ZNF468: variants seen among roughly 807,000 people sequenced by gnomAD.
The protein encoded by ZNF468 is zinc finger protein 468, also known as zinc finger protein ZNF468.
In ZNF468, 8 loss-of-function variants were observed where a neutral mutation model predicts 7.2. The observed-to-expected ratio is 1.11, with a 90% confidence interval of 0.65 to 2.01. The LOEUF (loss-of-function observed/expected upper bound fraction) is 2.01, where lower values mean the gene tolerates loss of function less well. Among genes scored for constraint, ZNF468 ranks in the 30% most tolerant of loss-of-function variants. ZNF468 has a pLI of 0.00. For missense variants in ZNF468, 608 were observed against 626.5 expected (o/e 0.97, Z 0.31); for synonymous variants, 218 against 214.4 (o/e 1.02, Z -0.15).
intron 1 of ZNF468, among the ~76,000 whole-genome samples, chr19:52,854,659 T>A (rs1270653221): frequency 2.6e-5 from 4 of 152,094 alleles, no homozygotes; most frequent in Non-Finnish European, 5.9e-5. Context: ...GAAGCTGATG[T>A]GGAAGCATCA....
rs1568676252 is a variant in ZNF468, at chr19:52,842,843, AC to A, written c.143-693del. Among the ~76,000 whole-genome samples the A allele has an allele frequency of 1.0e-4, 11 of 107,456 alleles. 1 individual carries two copies. The highest frequency in any genetic ancestry group is 6.9e-4 in the South Asian group (2 of 2,900). 70.5% of individuals were successfully genotyped at this position (107,456 alleles called of 152,430 possible). A position where few individuals can be genotyped will look rare whatever the true frequency, so the allele number is the denominator to read the frequency against. ...AAAAAAAAAAAAAAAAAAAAAAAAG[AC>A]ATGGCATGGTGGCTTGTGACTCTAA... On this transcript the variant is annotated intron_variant, in intron 3 of 3. Coordinates refer to ENST00000595646, the MANE Select transcript of ZNF468 (RefSeq NM_001008801.2).
intron 3 of ZNF468, among the ~76,000 whole-genome samples, chr19:52,844,227 T>C (rs540039845): frequency 5.3e-5 from 8 of 152,266 alleles, no homozygotes; most frequent in South Asian, 2.1e-4. Context: ...AATTTAGTCA[T>C]GGGTGTTGAC....
At position 52,840,170 on chromosome 19, in the gene ZNF468, GTGAA is replaced by G. The variant is rs2063282673; in HGVS notation, c.*551_*554del. 2 of 397,322 alleles carry G rather than the reference GTGAA, an allele frequency of 5.0e-6. No individual in the cohort carries two copies. The highest frequency in any genetic ancestry group is 4.8e-6 in the Non-Finnish European group (1 of 207,454). The allele number at this position is 397,322 out of a possible 1,614,324, so 24.6% of individuals were successfully genotyped here. ...CTCCTATGTATTTGAAGCTGGATTTGTGAATGAAAACTTTGTCACATTGTTCACG... is the reference window on the plus strand; with the variant it reads ...CTCCTATGTATTTGAAGCTGGATTTGTGAAAACTTTGTCACATTGTTCACG... On this transcript the variant is annotated 3_prime_UTR_variant, in exon 4 of 4. Coordinates refer to ENST00000595646, the MANE Select transcript of ZNF468 (RefSeq NM_001008801.2).
intron 1 of ZNF468, among the ~76,000 whole-genome samples, chr19:52,855,687 CT>C (rs66517452): frequency 0.28 from 32,981 of 119,056 alleles, 3,123 homozygotes; most frequent in African/African-American, 0.31. Flanking sequence ...CATTCTTCTG[CT>C]TTTTTTTTTT....
intron 2 of ZNF468, among the ~76,000 whole-genome samples, chr19:52,850,812 T>C (rs1283838964): frequency 6.6e-6 from 1 of 151,644 alleles, no homozygotes; most frequent in Non-Finnish European, 1.5e-5. Flanking sequence ...GGCAGGAGAA[T>C]GGCGTGAACC....
intron 1 of ZNF468, among the ~76,000 whole-genome samples, chr19:52,855,512 C>G (rs1276917957): frequency 6.6e-6 from 1 of 152,230 alleles, no homozygotes; most frequent in Non-Finnish European, 1.5e-5. Context: ...GGCTGTGGAG[C>G]CAAAGTGAAG....
chr19:52,856,954 G>C (rs2063445601), intron 1 of ZNF468, among the ~76,000 whole-genome samples: 1 of 152,118 alleles, frequency 6.6e-6, no homozygotes, highest in Non-Finnish European at 1.5e-5. Flanking sequence ...TAAGACGCCT[G>C]CATCTCGGAG....
At chr19:52,855,849 C>T (rs1255842358) in intron 1 of ZNF468, among the ~76,000 whole-genome samples, 1 of 152,256 alleles carries the variant, frequency 6.6e-6, no homozygotes, top group Non-Finnish European at 1.5e-5. Context: ...CTGGTCTAGC[C>T]CTTCGTCGCA....
chr19:52,857,331 C>T (rs962640026), intron 1 of ZNF468, among the ~76,000 whole-genome samples: 9 of 152,222 alleles, frequency 5.9e-5, no homozygotes, highest in Admixed American at 3.9e-4. Context: ...AGCAGGAAAA[C>T]TACGCGATAG....
chr19:52,848,741 G>T (rs1383193883), intron 3 of ZNF468, among the ~76,000 whole-genome samples: 1 of 151,970 alleles, frequency 6.6e-6, no homozygotes, highest in Non-Finnish European at 1.5e-5. Context: ...AGTAGAGAAG[G>T]GGTTTCTCCA....
At position 52,839,944 on chromosome 19, in the gene ZNF468, T is replaced by C. The variant is rs2063280390; in HGVS notation, c.*781A>G. The C allele has an allele frequency of 1.8e-6, 2 of 1,125,072 alleles. No individual in the cohort carries two copies. The highest frequency in any genetic ancestry group is 1.6e-5 in the African/African-American group (1 of 63,460). 69.7% of individuals were successfully genotyped at this position (1,125,072 alleles called of 1,614,324 possible). A position where few individuals can be genotyped will look rare whatever the true frequency, so the allele number is the denominator to read the frequency against. On this transcript the variant is annotated 3_prime_UTR_variant, in exon 4 of 4. Coordinates refer to ENST00000595646, the MANE Select transcript of ZNF468 (RefSeq NM_001008801.2). ...ATTACTGAAAACTTTGTGACAATCA[T>C]TACATTAGTCAAGTTTCCCTATACC...
intron 1 of ZNF468, among the ~76,000 whole-genome samples, chr19:52,857,116 A>C (rs1029438166): frequency 6.6e-6 from 1 of 150,624 alleles, no homozygotes; most frequent in Non-Finnish European, 1.5e-5. Context: ...AGGAGGAGGG[A>C]GGTGGGGAGC....
At chr19:52,849,469 A>G (rs1195540905) in intron 2 of ZNF468, 1 of 753,622 alleles carries the variant, frequency 1.3e-6, no homozygotes, top group Admixed American at 3.7e-5. Context: ...TAAAAAATCA[A>G]TGTAGGGTTC....
intron 3 of ZNF468, among the ~76,000 whole-genome samples, chr19:52,843,795 G>A (rs1216835169): frequency 2.0e-5 from 3 of 152,112 alleles, no homozygotes; most frequent in Non-Finnish European, 4.4e-5. Context: ...TGATATATGA[G>A]GTCAAGAAAA....
At position 52,849,459 on chromosome 19, in the gene ZNF468, T is replaced by TA. The variant is rs1282843814; in HGVS notation, c.16-247dup. ...GTGAAAAATAACAGAAATAAACAAA[T>TA]AAAAAATCAATGTAGGGTTCCTGTT... On this transcript the variant is annotated intron_variant, in intron 2 of 3. Coordinates refer to ENST00000595646, the MANE Select transcript of ZNF468 (RefSeq NM_001008801.2). 3.6e-6 allele frequency: 3 copies of TA among 831,332 alleles called. No individual in the cohort carries two copies. In the African/African-American group the frequency reaches 5.3e-5, roughly 15 times the overall value. 51.5% of individuals were successfully genotyped at this position (831,332 alleles called of 1,614,324 possible). A position where few individuals can be genotyped will look rare whatever the true frequency, so the allele number is the denominator to read the frequency against.
At chr19:52,842,553 T>C (rs1428319050) in intron 3 of ZNF468, among the ~76,000 whole-genome samples, 2 of 148,538 alleles carry the variant, frequency 1.3e-5, no homozygotes, top group African/African-American at 5.1e-5. Context: ...CCACACAATA[T>C]ACTATATTGG....
At chr19:52,850,805 A>G (rs112123012) in intron 2 of ZNF468, among the ~76,000 whole-genome samples, 3,334 of 151,876 alleles carry the variant, frequency 0.022, 120 homozygotes, top group African/African-American at 0.076. Context: ...AGGCTGAGGC[A>G]GGAGAATGGC....
chr19:52,854,280 T>C lies in ZNF468; in HGVS notation c.-8A>G. 1.2e-6 allele frequency: 2 copies of C among 1,613,746 alleles called. No homozygotes were observed. The highest frequency in any genetic ancestry group is 1.7e-6 in the Non-Finnish European group (2 of 1,179,804). ...CACCTGAGGAAGAGCCATCCCTGAC[T>C]CCTTTGCTTTCCTCTTCCTCTTCTG... On this transcript the variant is annotated 5_prime_UTR_variant, in exon 2 of 4. Transcript: ENST00000595646.
chr19:52,850,217 A>G (rs1467344761), intron 2 of ZNF468, among the ~76,000 whole-genome samples: 1 of 152,148 alleles, frequency 6.6e-6, no homozygotes, highest in Non-Finnish European at 1.5e-5. Context: ...CTGGAAAAGG[A>G]TACTTTGGCA....
Sources: allele counts gnomAD v4.1 joint callset (sites outside exome capture counted in the v4.1 genomes callset), GRCh38; gene constraint gnomAD v4.1.1; transcripts MANE v1.5; gene names NCBI Gene and HGNC (gene_info 2026-07-23, HGNC 2026-07-21).